ALDH3B1: variants seen among roughly 807,000 people sequenced by gnomAD.
The protein encoded by ALDH3B1 is aldehyde dehydrogenase 3 family member B1.
Under a neutral mutation model 46.2 loss-of-function variants are expected in ALDH3B1, and 37 were observed. The observed-to-expected ratio is 0.80, with a 90% CI of 0.62 to 1.05. The LOEUF (loss-of-function observed/expected upper bound fraction) is 1.05. Among genes scored for constraint, ALDH3B1 ranks in the 50% least tolerant of loss-of-function variants. The probability of loss-of-function intolerance (pLI) is 0.00; values close to 1 mark genes in which losing one functional copy is unlikely to be tolerated. For synonymous variants in ALDH3B1, 283 were observed against 281.0 expected (o/e 1.01, Z -0.07); for missense variants, 603 against 665.5 (o/e 0.91, Z 1.03).
At chr11:68,013,015 G>A (rs1857265834) in intron 1 of ALDH3B1, among the ~76,000 whole-genome samples, 1 of 151,960 alleles carries the variant, frequency 6.6e-6, no homozygotes, top group Admixed American at 6.6e-5. Flanking sequence ...ACTGTGGGAT[G>A]AGTGCCGCGG....
chr11:68,026,091 T>G lies in ALDH3B1; in HGVS notation c.1199T>G (p.Leu400Arg), dbSNP rs1857616614. 1.2e-6 allele frequency: 2 copies of G among 1,604,942 alleles called. No homozygotes were observed. Among genetic ancestry groups the G allele is most frequent in the Non-Finnish European group, 1.7e-6 (2 of 1,175,810 alleles). ...TTCATGCACATGACCCTGGCCAGCC[T>G]GCCTTTTGGAGGAGTGGGTAGGTGC... is the stretch of plus-strand genomic sequence containing the variant. ...DGFMHMTLAS[L>R]PFGGVGASGM... The change falls in exon 9 of 10, where the codon CTG becomes CGG. Residue 400 changes from leucine to arginine, a missense_variant. Transcript: ENST00000342456.
chr11:68,026,172 T>C (rs1027833140), intron 9 of ALDH3B1, 64 bp downstream of exon 9: 1 of 1,371,426 alleles, frequency 7.3e-7, no homozygotes, highest in Non-Finnish European at 9.9e-7. Context: ...GTTACCTGCA[T>C]ACATTTCTGC....
intron 1 of ALDH3B1, among the ~76,000 whole-genome samples, chr11:68,011,290 C>T (rs944197173): frequency 6.6e-6 from 1 of 152,104 alleles, no homozygotes; most frequent in African/African-American, 2.4e-5. Context: ...CGCCTAATAC[C>T]GGATCGCTGC....
intron 1 of ALDH3B1, among the ~76,000 whole-genome samples, chr11:68,011,301 AGACTGCTTTTTTCTAAGCG>A (rs1391137827): frequency 5.9e-5 from 9 of 152,212 alleles, no homozygotes; most frequent in Non-Finnish European, 7.3e-5. Flanking sequence ...GGATCGCTGC[AGACTGCTTTTTTCTAAGCG>A]GACTGCTTTT....
intron 1 of ALDH3B1, among the ~76,000 whole-genome samples, chr11:68,011,161 T>C (rs1857221865): frequency 6.6e-6 from 1 of 152,194 alleles, no homozygotes; most frequent in African/African-American, 2.4e-5. Context: ...CTATTCATGA[T>C]TCGTGAATCC....
intron 3 of ALDH3B1, 28 bp from the exon 4 acceptor site, chr11:68,018,745 T>C: frequency 3.2e-6 from 5 of 1,550,750 alleles, no homozygotes; most frequent in Non-Finnish European, 4.4e-6. Flanking sequence ...TGCTGAGCAC[T>C]TAATTTCATC....
chr11:68,012,505 G>C (rs925259328), intron 1 of ALDH3B1, among the ~76,000 whole-genome samples: 4 of 152,340 alleles, frequency 2.6e-5, no homozygotes, highest in Admixed American at 6.5e-5. Context: ...GTGATGGGGG[G>C]CCACGCCCCA....
At position 68,014,000 on chromosome 11, in the gene ALDH3B1, G is replaced by A. The variant is rs144792712; in HGVS notation, c.-1-1297G>A. 2.8e-3 allele frequency among the ~76,000 whole-genome samples: 434 copies of A among 152,348 alleles called. 1 individual carries two copies. The Middle Eastern group carries it at 0.037, about 13-fold the overall frequency. On this transcript the variant is annotated intron_variant, in intron 1 of 9. Transcript: ENST00000342456. ...CAGCAGGGCCATCCTGCAGACCGGAGCAGGTCCCGCCCTCAAGGTGGCCAC... is the reference window on the plus strand; with the variant it reads ...CAGCAGGGCCATCCTGCAGACCGGAACAGGTCCCGCCCTCAAGGTGGCCAC...
Position 68,021,639 on chromosome 11 carries a change from C to A in ALDH3B1, c.717C>A (p.Asn239Lys). ...ANRVAWFRYF[N>K]AGQTCVAPDY... ...GCGTGGCCTGGTTCCGCTACTTCAACGCCGGCCAGACCTGCGTGGCCCCCG... is the reference window on the plus strand; with the variant it reads ...GCGTGGCCTGGTTCCGCTACTTCAAAGCCGGCCAGACCTGCGTGGCCCCCG... Residue 239 changes from asparagine (N) to lysine (K), a missense_variant, in exon 7 of 10, where the codon AAC (asparagine) becomes AAA (lysine). Coordinates refer to ENST00000342456, the MANE Select transcript of ALDH3B1 (RefSeq NM_000694.4). 1 of 1,614,068 alleles carries A rather than the reference C, an allele frequency of 6.2e-7. No individual in the cohort carries two copies. Among genetic ancestry groups the A allele is most frequent in the Non-Finnish European group, 8.5e-7 (1 of 1,179,982 alleles).
chr11:68,014,079 C>T (rs1452502526), intron 1 of ALDH3B1, among the ~76,000 whole-genome samples: 2 of 152,210 alleles, frequency 1.3e-5, no homozygotes, highest in African/African-American at 2.4e-5. Context: ...GGGCTCAGAA[C>T]CGACTGTGTG....
chr11:68,023,553 C>G (rs907742217), intron 8 of ALDH3B1, among the ~76,000 whole-genome samples: 1 of 151,954 alleles, frequency 6.6e-6, no homozygotes, highest in African/African-American at 2.4e-5. Context: ...GATCCACCTG[C>G]CTCGGCCTCC....
intron 7 of ALDH3B1, 43 bp downstream of exon 7, chr11:68,021,914 C>G: frequency 6.5e-7 from 1 of 1,549,550 alleles, no homozygotes. Flanking sequence ...GGGCCAAGAC[C>G]CCTCCTCACT....
Position 68,026,904 on chromosome 11 carries a change from C to T in ALDH3B1, c.1216+796C>T, listed in dbSNP as rs377194257. 5.5e-3 allele frequency among the ~76,000 whole-genome samples: 831 copies of T among 152,276 alleles called. 5 individuals are homozygous for T. The highest frequency in any genetic ancestry group is 0.018 in the African/African-American group (748 of 41,554). ...CGGCTCGAGTTTGGGCGGCTGCCCC[C>T]GACCCCACCTAGCTGCCTCCCCAGC... is the stretch of plus-strand genomic sequence containing the variant. On this transcript the variant is annotated intron_variant, in intron 9 of 9. Coordinates refer to ENST00000342456, the MANE Select transcript of ALDH3B1 (RefSeq NM_000694.4).
chr11:68,008,995 T>C (rs557098), upstream of ALDH3B1, among the ~76,000 whole-genome samples: 8,172 of 152,184 alleles, frequency 0.054, 636 homozygotes, highest in African/African-American at 0.17. Context: ...TGTGCCGAAC[T>C]TGAGGAAGAT....
rs1857203973 is a variant in ALDH3B1, at chr11:68,010,364, G to A, written c.-30G>A. The A allele has an allele frequency of 6.5e-6, 1 of 152,910 alleles. No individual in the cohort carries two copies. The highest frequency in any genetic ancestry group is 1.5e-5 in the Non-Finnish European group (1 of 68,576). 9.5% of individuals were successfully genotyped at this position (152,910 alleles called of 1,614,324 possible). A position where few individuals can be genotyped will look rare whatever the true frequency, so the allele number is the denominator to read the frequency against. On this transcript the variant is annotated 5_prime_UTR_variant, in exon 1 of 10. Coordinates refer to ENST00000342456, the MANE Select transcript of ALDH3B1 (RefSeq NM_000694.4). ...GCCACCAGGCAGAGCGGGACAGCCA[G>A]GAGGAAGGGCAGCTTGGCAGAGCCT... is the stretch of plus-strand genomic sequence containing the variant.
chr11:68,021,748 C>T lies in ALDH3B1; in HGVS notation c.826C>T (p.Pro276Ser), dbSNP rs1213490476. 6 of 1,614,074 alleles carry T rather than the reference C, an allele frequency of 3.7e-6. No homozygotes were observed. In the African/African-American group the frequency reaches 6.7e-5, roughly 18 times the overall value. ...CATCACCCGTTTCTATGGCGACGAC[C>T]CCCAGAGCTCCCCAAACCTGGGCCG... Reference protein sequence around the residue: ...STITRFYGDDPQSSPNLGRII... With the variant: ...STITRFYGDDSQSSPNLGRII... Residue 276 changes from proline (P) to serine (S), a missense_variant, in exon 7 of 10, where the codon CCC becomes TCC. Pro to Ser is a moderately conservative substitution (Grantham distance 74). Transcript: ENST00000342456.
At position 68,019,240 on chromosome 11, in the gene ALDH3B1, C is replaced by T; in HGVS notation, c.465C>T (p.Pro155=). The change falls in exon 5 of 10, where the codon CCC becomes CCT. Residue 155 remains proline, a synonymous_variant. Coordinates refer to ENST00000342456, the MANE Select transcript of ALDH3B1 (RefSeq NM_000694.4). ...NVEKILAEVL[P]QYVDQSCFAV... ...AGAAGATCCTGGCCGAGGTGCTGCC[C>T]CAATACGTGGACCAGGTGAGCAGGG... 3.1e-6 allele frequency: 5 copies of T among 1,613,090 alleles called. No individual in the cohort carries two copies. The highest frequency in any genetic ancestry group is 4.2e-6 in the Non-Finnish European group (5 of 1,179,570).
intron 2 of ALDH3B1, chr11:68,016,063 C>G (rs1857345287): frequency 5.8e-6 from 1 of 172,592 alleles, no homozygotes; most frequent in African/African-American, 2.4e-5. Flanking sequence ...GAGACTCCAT[C>G]TCAAAAATAA....
At chr11:68,026,197 C>T in intron 9 of ALDH3B1, 89 bp downstream of exon 9, 2 of 1,161,936 alleles carry the variant, frequency 1.7e-6, no homozygotes, top group South Asian at 3.3e-5. Flanking sequence ...GCACCCCAGC[C>T]CCACCTCAAT....
Sources: allele counts gnomAD v4.1 joint callset (sites outside exome capture counted in the v4.1 genomes callset), GRCh38; gene constraint gnomAD v4.1.1; transcripts MANE v1.5; gene names NCBI Gene and HGNC (gene_info 2026-07-23, HGNC 2026-07-21).